Variants in FBXO11 observed in about 807,000 individuals in gnomAD.
FBXO11 encodes F-box only protein 11.
In FBXO11, 13 loss-of-function variants were observed where a neutral mutation model predicts 117.0. The observed-to-expected ratio is 0.11, with a 90% confidence interval of 0.07 to 0.18. FBXO11 has a LOEUF of 0.18. Ranked by LOEUF, FBXO11 falls within the 10% of genes least tolerant of loss-of-function variation. The pLI is 1.00. For synonymous variants in FBXO11, 490 were observed against 380.5 expected (o/e 1.29, Z -3.35); for missense variants, 767 against 1,164.4 (o/e 0.66, Z 4.97).
At chr2:47,872,658 AT>A (rs1675709003) in intron 1 of FBXO11, among the ~76,000 whole-genome samples, 1 of 152,060 alleles carries the variant, frequency 6.6e-6, no homozygotes, top group South Asian at 2.1e-4. Flanking sequence ...AAGACATTAT[AT>A]TTTTTTGCAC....
intron 1 of FBXO11, among the ~76,000 whole-genome samples, chr2:47,898,972 C>A (rs1284561968): frequency 6.6e-6 from 1 of 151,924 alleles, no homozygotes; most frequent in Admixed American, 6.6e-5. Flanking sequence ...AATAAAATCT[C>A]TTACAGAATT....
At chr2:47,855,010 G>A (rs773972603) in intron 1 of FBXO11, among the ~76,000 whole-genome samples, 4 of 151,938 alleles carry the variant, frequency 2.6e-5, no homozygotes, top group Non-Finnish European at 5.9e-5. Flanking sequence ...ATTAGAAAAA[G>A]GCCTGGATTA....
intron 11 of FBXO11, among the ~76,000 whole-genome samples, chr2:47,828,947 C>T (rs917710280): frequency 2.0e-5 from 3 of 152,134 alleles, no homozygotes; most frequent in African/African-American, 7.2e-5. Context: ...AGTCTCACTC[C>T]TCTGTCGCCC....
rs1321070635 is a variant in FBXO11, at chr2:47,807,136, A to G, written c.*982T>C. ...TAAATGGGGGAGGAAAAGCTATGAA[A>G]CTGTATAGGGCTGTATATATACTTG... On this transcript the variant is annotated 3_prime_UTR_variant, in exon 23 of 23. Coordinates refer to ENST00000403359, the MANE Select transcript of FBXO11 (RefSeq NM_001190274.2). The G allele has an allele frequency of 4.4e-6, 2 of 455,726 alleles. No homozygotes were observed. Among genetic ancestry groups the G allele is most frequent in the African/African-American group, 3.9e-5 (2 of 50,912 alleles). 28.2% of individuals were successfully genotyped at this position (455,726 alleles called of 1,614,324 possible).
intron 1 of FBXO11, among the ~76,000 whole-genome samples, chr2:47,869,837 G>A (rs1675491545): frequency 6.6e-6 from 1 of 152,160 alleles, no homozygotes. Context: ...AGTATGACCT[G>A]GCTAATTGTT....
At chr2:47,894,540 A>C (rs1029412529) in intron 1 of FBXO11, among the ~76,000 whole-genome samples, 1 of 152,200 alleles carries the variant, frequency 6.6e-6, no homozygotes, top group Admixed American at 6.5e-5. Flanking sequence ...TAAAGTCCAC[A>C]GTATTTTTTT....
At position 47,832,554 on chromosome 2, in the gene FBXO11, C is replaced by A. The variant is rs1180958563; in HGVS notation, c.1260+18G>T. On this transcript the variant is annotated intron_variant, in intron 10 of 22. Transcript: ENST00000403359. ...ACATTTTCTAAAAAGAAAAAAACCA[C>A]ACAAAATTAAAAAATACCTGTGCAT... is the stretch of plus-strand genomic sequence containing the variant. The A allele has an allele frequency of 1.2e-6, 2 of 1,606,748 alleles. No homozygotes were observed.
At chr2:47,896,353 G>A (rs1404680427) in intron 1 of FBXO11, among the ~76,000 whole-genome samples, 1 of 148,234 alleles carries the variant, frequency 6.7e-6, no homozygotes, top group Admixed American at 6.7e-5. Flanking sequence ...TTGAGACAAG[G>A]TCTTAAAACT....
intron 1 of FBXO11, among the ~76,000 whole-genome samples, chr2:47,890,318 G>A (rs997003926): frequency 4.6e-5 from 7 of 151,948 alleles, no homozygotes; most frequent in African/African-American, 1.5e-4. Flanking sequence ...TCATTTACTA[G>A]AAATAATATA....
At chr2:47,857,553 T>C (rs2103709963) in intron 1 of FBXO11, among the ~76,000 whole-genome samples, 1 of 152,200 alleles carries the variant, frequency 6.6e-6, no homozygotes, top group Admixed American at 6.5e-5. Flanking sequence ...ACATAGAAGC[T>C]TAGAAAATCA....
chr2:47,815,732 T>G (rs1439820788), intron 16 of FBXO11, among the ~76,000 whole-genome samples: 1 of 152,204 alleles, frequency 6.6e-6, no homozygotes, highest in East Asian at 1.9e-4. Context: ...GTTCTTCAGC[T>G]GAGGGCGTAA....
chr2:47,869,479 T>C (rs1675453846), intron 1 of FBXO11, among the ~76,000 whole-genome samples: 1 of 152,178 alleles, frequency 6.6e-6, no homozygotes. Flanking sequence ...CTAAGGCAAC[T>C]CTCTTAGCAG....
rs1678781414 is a variant in FBXO11 at position 47,905,914 on chromosome 2, C to T, written c.-194G>A. ...CCGGAGAAAGGCCCGGGTAGACAGA[C>T]GGAGACCGAGCGAGGCCGGCCGGGA... On this transcript the variant is annotated 5_prime_UTR_variant, in exon 1 of 23. Transcript: ENST00000403359. 1.7e-6 allele frequency: 1 copy of T among 599,418 alleles called. No individual in the cohort carries two copies. The highest frequency in any genetic ancestry group is 2.6e-6 in the Non-Finnish European group (1 of 379,474). The allele number at this position is 599,418 out of a possible 1,614,324, so 37.1% of individuals were successfully genotyped here.
chr2:47,867,206 C>T (rs1350660121), intron 1 of FBXO11, among the ~76,000 whole-genome samples: 1 of 152,196 alleles, frequency 6.6e-6, no homozygotes, highest in East Asian at 1.9e-4. Flanking sequence ...CCGAAAATCT[C>T]CAGTCTAGCT....
intron 13 of FBXO11, among the ~76,000 whole-genome samples, chr2:47,821,584 T>C (rs1022231043): frequency 3.4e-5 from 5 of 147,670 alleles, no homozygotes; most frequent in African/African-American, 1.3e-4. Flanking sequence ...CACTCCAGCC[T>C]GGGTGATAGA....
intron 1 of FBXO11, chr2:47,888,605 C>A (rs565570035): frequency 7.0e-6 from 6 of 855,138 alleles, no homozygotes; most frequent in African/African-American, 1.8e-5. Flanking sequence ...TACTTTCAAC[C>A]ACTCTGAAAG....
At chr2:47,899,747 TAAG>T (rs1325124259) in intron 1 of FBXO11, among the ~76,000 whole-genome samples, 3 of 152,180 alleles carry the variant, frequency 2.0e-5, no homozygotes, top group Non-Finnish European at 4.4e-5. Flanking sequence ...CTGTGGAAGA[TAAG>T]AATATATTTC....
intron 1 of FBXO11, among the ~76,000 whole-genome samples, chr2:47,877,733 G>A (rs963128793): frequency 2.6e-5 from 4 of 152,136 alleles, no homozygotes; most frequent in East Asian, 1.9e-4. Flanking sequence ...CGCCCAGGCT[G>A]GAATGCAGTG....
chr2:47,828,878 C>G (rs1026979250), intron 11 of FBXO11, among the ~76,000 whole-genome samples: 9 of 152,150 alleles, frequency 5.9e-5, no homozygotes, highest in African/African-American at 2.2e-4. Context: ...TATCTTCTAA[C>G]TAAAGTGATG....
Sources: gnomAD v4.1 joint callset for allele counts (sites outside exome capture counted in the v4.1 genomes callset) on GRCh38, gnomAD v4.1.1 for gene constraint, MANE v1.5 for transcripts, NCBI Gene and HGNC (gene_info 2026-07-23, HGNC 2026-07-21) for gene names.